Variants in TMEM61 observed in about 807,000 individuals in gnomAD.
The protein encoded by TMEM61 is transmembrane protein 61.
TMEM61 carries 13 observed loss-of-function variants against 12.0 expected under a neutral mutation model. That is an observed-to-expected ratio of 1.08 (90% confidence interval 0.70 to 1.72). The LOEUF (loss-of-function observed/expected upper bound fraction) is 1.72, where lower values mean the gene tolerates loss of function less well. Among genes scored for constraint, TMEM61 ranks in the 40% most tolerant of loss-of-function variants. TMEM61 has a pLI of 0.00. For missense variants in TMEM61, 249 were observed against 276.9 expected, an observed-to-expected ratio of 0.90 and a Z score of 0.71; for synonymous variants, 109 against 121.4, an observed-to-expected ratio of 0.90 and a Z score of 0.67.
At chr1:54,990,471 A>T (rs1245479417) in intron 2 of TMEM61, among the ~76,000 whole-genome samples, 1 of 152,150 alleles carries the variant, frequency 6.6e-6, no homozygotes, top group East Asian at 1.9e-4. Context: ...GGGCAGCAGC[A>T]GGTTCCATCT....
chr1:54,983,007 C>T (rs1570256625), intron 1 of TMEM61, among the ~76,000 whole-genome samples: 1 of 152,036 alleles, frequency 6.6e-6, no homozygotes, highest in East Asian at 1.9e-4. Flanking sequence ...CTGCTGCCAT[C>T]ATCCTGTATG....
At chr1:54,991,045 T>A (rs1185403527) in intron 2 of TMEM61, among the ~76,000 whole-genome samples, 2 of 152,166 alleles carry the variant, frequency 1.3e-5, no homozygotes, top group Non-Finnish European at 2.9e-5. Flanking sequence ...CCCCACTGTG[T>A]GTCCCAGGTT....
At chr1:54,988,720 T>C (rs1258663061) in intron 2 of TMEM61, among the ~76,000 whole-genome samples, 1 of 152,248 alleles carries the variant, frequency 6.6e-6, no homozygotes, top group Admixed American at 6.5e-5. Flanking sequence ...CTTTCATGCA[T>C]GTGCCTAATA....
chr1:54,981,196 A>G lies in TMEM61; in HGVS notation c.15+116A>G, dbSNP rs1048395435. On this transcript the variant is annotated intron_variant, in intron 1 of 2. Transcript: ENST00000371268. ...CCGTGGCTTGGTGGGCAGTGTGGAC[A>G]CCCGGGGCTCTGCCTGGGTTTTATC... is the stretch of plus-strand genomic sequence containing the variant. 10 of 1,214,814 alleles carry G rather than the reference A, an allele frequency of 8.2e-6. No homozygotes were observed. In the African/African-American group the frequency reaches 1.2e-4, roughly 15 times the overall value. The allele number at this position is 1,214,814 out of a possible 1,614,324, so 75.3% of individuals were successfully genotyped here.
At chr1:54,990,883 C>T (rs1263150244) in intron 2 of TMEM61, among the ~76,000 whole-genome samples, 3 of 152,120 alleles carry the variant, frequency 2.0e-5, no homozygotes, top group Non-Finnish European at 2.9e-5. Flanking sequence ...AATTACAGAC[C>T]CATGATCTCC....
intron 1 of TMEM61, among the ~76,000 whole-genome samples, chr1:54,981,635 A>ACAAAT (rs1644223241): frequency 6.6e-6 from 1 of 152,060 alleles, no homozygotes; most frequent in African/African-American, 2.4e-5. Context: ...ACAAAACAAA[A>ACAAAT]CAAAAATGCC....
chr1:54,987,149 CTA>C (rs1487691496), intron 2 of TMEM61, among the ~76,000 whole-genome samples: 1 of 152,204 alleles, frequency 6.6e-6, no homozygotes, highest in Non-Finnish European at 1.5e-5. Context: ...GCCTCAGAGT[CTA>C]TGCTCACGCC....
At chr1:54,991,004 C>T (rs1644294435) in intron 2 of TMEM61, among the ~76,000 whole-genome samples, 1 of 152,240 alleles carries the variant, frequency 6.6e-6, no homozygotes, top group South Asian at 2.1e-4. Flanking sequence ...GAGCAGCCCA[C>T]ACCCAGGATC....
chr1:54,984,404 G>A (rs1644244875), intron 1 of TMEM61, among the ~76,000 whole-genome samples: 1 of 152,172 alleles, frequency 6.6e-6, no homozygotes, highest in African/African-American at 2.4e-5. Flanking sequence ...GCCCGGGGCA[G>A]GTGAGAGGCT....
chr1:54,988,340 C>G (rs942159157), intron 2 of TMEM61, among the ~76,000 whole-genome samples: 1 of 152,264 alleles, frequency 6.6e-6, no homozygotes, highest in Non-Finnish European at 1.5e-5. Context: ...GGTGGGGCCC[C>G]TTGGCCTTCA....
At chr1:54,981,260 A>G (rs998366520) in intron 1 of TMEM61, among the ~76,000 whole-genome samples, 180 bp downstream of exon 1, 3 of 152,188 alleles carry the variant, frequency 2.0e-5, no homozygotes, top group Admixed American at 6.5e-5. Context: ...CAGGGCCTCA[A>G]TTGGGGAACA....
intron 1 of TMEM61, 45 bp from the exon 2 acceptor site, chr1:54,986,052 T>C: frequency 6.6e-7 from 1 of 1,522,550 alleles, no homozygotes; most frequent in East Asian, 2.3e-5. Flanking sequence ...CTCCAGCACC[T>C]TTCATATGGC....
chr1:54,991,382 C>T (rs1268183698), intron 2 of TMEM61, among the ~76,000 whole-genome samples: 1 of 152,206 alleles, frequency 6.6e-6, no homozygotes, highest in Non-Finnish European at 1.5e-5. Flanking sequence ...TCCAGATGGG[C>T]AGAGGAATTG....
chr1:54,987,158 C>T (rs566883852), intron 2 of TMEM61, among the ~76,000 whole-genome samples: 3 of 152,322 alleles, frequency 2.0e-5, no homozygotes, highest in South Asian at 2.1e-4. Context: ...TCTATGCTCA[C>T]GCCCACTCCC....
rs753146201 is a variant in TMEM61 at position 54,992,146 on chromosome 1, C to G, written c.*43C>G. The G allele has an allele frequency of 1.1e-5, 17 of 1,586,814 alleles. No homozygotes were observed. Among genetic ancestry groups the G allele is most frequent in the Non-Finnish European group, 1.5e-5 (17 of 1,170,652 alleles). On this transcript the variant is annotated 3_prime_UTR_variant, in exon 3 of 3. Coordinates refer to ENST00000371268, the MANE Select transcript of TMEM61 (RefSeq NM_182532.3). ...TGAATCCAGAGACAAAAATGCCGTGCCTTCTCCAGAGTCTTATGCAGTGCC... is the reference window on the plus strand; with the variant it reads ...TGAATCCAGAGACAAAAATGCCGTGGCTTCTCCAGAGTCTTATGCAGTGCC...
Position 54,992,013 on chromosome 1 carries a change from C to A in TMEM61, c.543C>A (p.Ser181Arg). The A allele has an allele frequency of 6.2e-7, 1 of 1,614,130 alleles. No homozygotes were observed. The highest frequency in any genetic ancestry group is 8.5e-7 in the Non-Finnish European group (1 of 1,180,034). The change falls in exon 3 of 3, where the codon AGC (serine) becomes AGA (arginine). Residue 181 changes from serine (S) to arginine (R), a missense_variant. Coordinates refer to ENST00000371268, the MANE Select transcript of TMEM61 (RefSeq NM_182532.3). ...CTCCACCCAGCTATGAGAGCATCAG[C>A]CTTGCTCTTGATGCCGTTTCTGCGG... ...AWPPPSYESI[S>R]LALDAVSAET...
chr1:54,986,548 G>A (rs1357808007), intron 2 of TMEM61, 102 bp downstream of exon 2: 2 of 1,079,992 alleles, frequency 1.9e-6, no homozygotes, highest in Middle Eastern at 3.1e-4. Context: ...TTCTCATGGG[G>A]TTCCTCCTTT....
chr1:54,988,405 C>A (rs896383193), intron 2 of TMEM61, among the ~76,000 whole-genome samples: 1 of 152,232 alleles, frequency 6.6e-6, no homozygotes, highest in Non-Finnish European at 1.5e-5. Flanking sequence ...TGATCGTAGC[C>A]CATCGAGCTC....
chr1:54,981,952 C>A (rs1404275341), intron 1 of TMEM61, among the ~76,000 whole-genome samples: 1 of 137,136 alleles, frequency 7.3e-6, no homozygotes, highest in Non-Finnish European at 1.6e-5. Flanking sequence ...TTCTGAGAAG[C>A]AATATGGTAT....
Sources: gnomAD v4.1 joint callset for allele counts (sites outside exome capture counted in the v4.1 genomes callset) on GRCh38, gnomAD v4.1.1 for gene constraint, MANE v1.5 for transcripts, NCBI Gene and HGNC (gene_info 2026-07-23, HGNC 2026-07-21) for gene names.